XRCC4: variants seen among roughly 807,000 people sequenced by gnomAD.
The protein encoded by XRCC4 is X-ray repair cross complementing 4, also known as DNA repair protein XRCC4.
In XRCC4, 28 loss-of-function variants were observed where a neutral mutation model predicts 39.1. The ratio of observed to expected loss-of-function variants is 0.72; its 90% CI spans 0.53 to 0.98. XRCC4 has a LOEUF of 0.98. Among genes scored for constraint, XRCC4 ranks in the 50% least tolerant of loss-of-function variants. The pLI is 0.00. For missense variants in XRCC4, 350 were observed against 376.4 expected, an observed-to-expected ratio of 0.93 and a Z score of 0.58; for synonymous variants, 123 against 126.4, an observed-to-expected ratio of 0.97 and a Z score of 0.18.
intron 7 of XRCC4, among the ~76,000 whole-genome samples, chr5:83,294,827 A>T (rs150496426): frequency 7.1e-4 from 108 of 152,106 alleles, no homozygotes; most frequent in African/African-American, 2.5e-3. Flanking sequence ...AGCTTTTATG[A>T]TAATGCTTTT....
At chr5:83,280,108 G>T (rs947951948) in intron 7 of XRCC4, 1 of 209,762 alleles carries the variant, frequency 4.8e-6, no homozygotes. Flanking sequence ...ACATTTTTCA[G>T]TAGCCTGGAA....
At chr5:83,249,748 A>G (rs1753241233) in intron 6 of XRCC4, among the ~76,000 whole-genome samples, 1 of 152,046 alleles carries the variant, frequency 6.6e-6, no homozygotes, top group Admixed American at 6.6e-5. Flanking sequence ...TAGTCTGCCA[A>G]TTTTATCAGA....
chr5:83,247,409 C>A (rs1168130188), intron 6 of XRCC4, among the ~76,000 whole-genome samples: 1 of 152,140 alleles, frequency 6.6e-6, no homozygotes, highest in Non-Finnish European at 1.5e-5. Context: ...CCTGTCAGAT[C>A]AGTGGCAAAA....
chr5:83,302,257 C>CAA (rs778098766), intron 7 of XRCC4, among the ~76,000 whole-genome samples: 1,640 of 134,152 alleles, frequency 0.012, 23 homozygotes, highest in African/African-American at 0.038. Flanking sequence ...AATGGGGTAC[C>CAA]AAAAAAAAAA....
At chr5:83,121,573 A>G (rs776886541) in intron 3 of XRCC4, among the ~76,000 whole-genome samples, 5 of 152,124 alleles carry the variant, frequency 3.3e-5, no homozygotes, top group Non-Finnish European at 5.9e-5. Context: ...ATATTTGTTT[A>G]AATCTTTCAC....
At chr5:83,090,268 G>A (rs1413192813) in intron 1 of XRCC4, among the ~76,000 whole-genome samples, 3 of 152,030 alleles carry the variant, frequency 2.0e-5, no homozygotes, top group African/African-American at 7.2e-5. Context: ...AATCATGGGG[G>A]CAGTTCTTTT....
At chr5:83,161,473 C>T (rs1250493172) in intron 3 of XRCC4, among the ~76,000 whole-genome samples, 2 of 152,076 alleles carry the variant, frequency 1.3e-5, no homozygotes. Flanking sequence ...TATAAGTCAT[C>T]TTTATCTTTT....
At chr5:83,082,507 G>A (rs1407631895) in intron 1 of XRCC4, among the ~76,000 whole-genome samples, 1 of 152,120 alleles carries the variant, frequency 6.6e-6, no homozygotes, top group African/African-American at 2.4e-5. Flanking sequence ...TGTAAATTCA[G>A]AATTATTTCA....
At chr5:83,178,003 T>C (rs959376444) in intron 3 of XRCC4, among the ~76,000 whole-genome samples, 3 of 152,016 alleles carry the variant, frequency 2.0e-5, no homozygotes, top group African/African-American at 4.8e-5. Context: ...ATAGCTGTAA[T>C]TGAGATTGAG....
chr5:83,241,773 A>G (rs889451118), intron 6 of XRCC4, among the ~76,000 whole-genome samples: 4 of 152,210 alleles, frequency 2.6e-5, no homozygotes, highest in African/African-American at 9.7e-5. Flanking sequence ...TTTATGTTTT[A>G]TGTACTATAT....
intron 3 of XRCC4, among the ~76,000 whole-genome samples, chr5:83,118,334 C>T (rs1746841232): frequency 6.6e-6 from 1 of 151,092 alleles, no homozygotes. Flanking sequence ...CAGGGTCACA[C>T]TTTTTTGCCT....
intron 3 of XRCC4, among the ~76,000 whole-genome samples, chr5:83,174,578 C>T (rs764795010): frequency 6.6e-6 from 1 of 152,272 alleles, no homozygotes; most frequent in Admixed American, 6.5e-5. Context: ...TAAGTGTTCT[C>T]ATTTGAGATT....
chr5:83,207,926 T>C (rs970746616), intron 6 of XRCC4, among the ~76,000 whole-genome samples: 4 of 152,164 alleles, frequency 2.6e-5, no homozygotes, highest in Middle Eastern at 3.4e-3. Context: ...GAATTTATTT[T>C]AGATATTGCA....
At chr5:83,354,963 ATT>A (rs1360583058), downstream of XRCC4, among the ~76,000 whole-genome samples, 5 of 152,128 alleles carry the variant, frequency 3.3e-5, no homozygotes, top group African/African-American at 4.8e-5. Context: ...TCCTACCTGG[ATT>A]AAAACCTACC....
chr5:83,120,721 T>G (rs1746971008), intron 3 of XRCC4, among the ~76,000 whole-genome samples: 1 of 152,256 alleles, frequency 6.6e-6, no homozygotes, highest in Non-Finnish European at 1.5e-5. Context: ...CTGACATGAA[T>G]AAAGCAGCTA....
At chr5:83,258,897 T>A in intron 7 of XRCC4, 1 of 527,912 alleles carries the variant, frequency 1.9e-6, no homozygotes, top group Non-Finnish European at 3.1e-6. Flanking sequence ...GCAAAAATTT[T>A]TTTCTCATGG....
chr5:83,333,770 CTT>C (rs780841413), intron 7 of XRCC4, among the ~76,000 whole-genome samples: 17 of 140,814 alleles, frequency 1.2e-4, no homozygotes, highest in East Asian at 2.0e-4. Flanking sequence ...AGATTTAAAC[CTT>C]TTTTTTTTTT....
At chr5:83,360,182 G>A in the XRCC4 span, among the ~76,000 whole-genome samples, 15 of 152,002 alleles carry the variant, frequency 9.9e-5, no homozygotes, top group Non-Finnish European at 1.3e-4. Flanking sequence ...TTTATGTTAC[G>A]ACAAGGAGTT....
At chr5:83,113,886 A>G (rs1746574169) in intron 3 of XRCC4, among the ~76,000 whole-genome samples, 1 of 152,156 alleles carries the variant, frequency 6.6e-6, no homozygotes, top group Non-Finnish European at 1.5e-5. Flanking sequence ...TCAGCCCCCC[A>G]AAGTGCTGGG....
Sources: allele counts gnomAD v4.1 joint callset (sites outside exome capture counted in the v4.1 genomes callset), GRCh38; gene constraint gnomAD v4.1.1; transcripts MANE v1.5; gene names NCBI Gene and HGNC (gene_info 2026-07-23, HGNC 2026-07-21).